Variants in ARHGAP22 observed in about 807,000 individuals in gnomAD.
The protein encoded by ARHGAP22 is rho GTPase-activating protein 22.
ARHGAP22 carries 48 observed loss-of-function variants against 59.1 expected under a neutral mutation model. That is an observed-to-expected ratio of 0.81 (90% CI 0.64 to 1.03). ARHGAP22 has a LOEUF of 1.03. ARHGAP22 is among the 50% of genes least tolerant of loss of function. The probability of loss-of-function intolerance (pLI) is 0.00; values close to 1 mark genes in which losing one functional copy is unlikely to be tolerated. For missense variants in ARHGAP22, 1,015 were observed against 958.7 expected, an observed-to-expected ratio of 1.06 and a Z score of -0.78; for synonymous variants, 445 against 416.4, an observed-to-expected ratio of 1.07 and a Z score of -0.84.
At chr10:48,615,098 G>A (rs1030933522) in intron 1 of ARHGAP22, among the ~76,000 whole-genome samples, 1 of 152,216 alleles carries the variant, frequency 6.6e-6, no homozygotes, top group African/African-American at 2.4e-5. Context: ...TTGAAAAGCT[G>A]TAACATACAA....
In ARHGAP22 at chr10:48,455,019, T is replaced by C. The variant is rs2046354363; in HGVS notation, c.775A>G (p.Thr259Ala). Residue 259 changes from threonine to alanine, a missense_variant, in exon 6 of 10, where the codon ACC becomes GCC. Transcript: ENST00000249601. ...EDFLSCAQLL[T>A]KDEGEGTLEL... ...CCACTGACCTCCCCCTCGTCCTTGG[T>C]GAGCAGCTGGGCGCAGCTGAGGAAG... The C allele has an allele frequency of 6.2e-7, 1 of 1,605,676 alleles. No individual in the cohort carries two copies. The highest frequency in any genetic ancestry group is 8.5e-7 in the Non-Finnish European group (1 of 1,174,428).
chr10:48,450,377 C>A lies in ARHGAP22; in HGVS notation c.1752G>T (p.Glu584Asp). The A allele has an allele frequency of 6.3e-7, 1 of 1,575,738 alleles. No homozygotes were observed. The highest frequency in any genetic ancestry group is 1.2e-5 in the South Asian group (1 of 86,482). ...CGTGTTCCCGGGTGGGGCTGTCCGGCTCGCTGGGCTCGCTGTTGCTGGCAC... is the reference window on the plus strand; with the variant it reads ...CGTGTTCCCGGGTGGGGCTGTCCGGATCGCTGGGCTCGCTGTTGCTGGCAC... ...GAGASNSEPS[E>D]PDSPTREHAR... Residue 584 changes from glutamate to aspartate, a missense_variant, in exon 9 of 10, where the codon GAG becomes GAT. Transcript: ENST00000249601.
At chr10:48,443,973 T>C (rs1311888040), downstream of ARHGAP22, 1 of 152,228 alleles carries the variant, frequency 6.6e-6, no homozygotes, top group Non-Finnish European at 1.5e-5. Flanking sequence ...ACATTCACAA[T>C]TTCCAGTATT....
rs1453506781 is a variant in ARHGAP22, at chr10:48,493,760, T to A, written c.323-13996A>T. ...CGCCAGTGGGAGGTCGGCGTGGTTG[T>A]TCTGCATCCGCATCTGTGCCTGCCA... On this transcript the variant is annotated intron_variant, in intron 3 of 9. Transcript: ENST00000249601. 3.3e-6 allele frequency: 3 copies of A among 907,078 alleles called. No homozygotes were observed. In the Admixed American group the frequency reaches 1.1e-4, roughly 32 times the overall value. The allele number at this position is 907,078 out of a possible 1,614,324, so 56.2% of individuals were successfully genotyped here.
At chr10:48,497,502 T>C (rs1398123794) in intron 3 of ARHGAP22, among the ~76,000 whole-genome samples, 1 of 152,030 alleles carries the variant, frequency 6.6e-6, no homozygotes, top group South Asian at 2.1e-4. Flanking sequence ...GGGAAGAGGA[T>C]GTTGAAGAGG....
chr10:48,490,694 C>T (rs2050303557), intron 3 of ARHGAP22, among the ~76,000 whole-genome samples: 1 of 152,216 alleles, frequency 6.6e-6, no homozygotes, highest in African/African-American at 2.4e-5. Flanking sequence ...CTCTCCCTCA[C>T]CTTTACACTG....
intron 2 of ARHGAP22, among the ~76,000 whole-genome samples, chr10:48,561,964 C>G (rs4838624): frequency 6.6e-6 from 1 of 152,042 alleles, no homozygotes; most frequent in Non-Finnish European, 1.5e-5. Context: ...CAGTGGCTCA[C>G]GCCTGTAATC....
chr10:48,607,054 C>T (rs551999321), upstream of ARHGAP22, among the ~76,000 whole-genome samples: 3 of 152,102 alleles, frequency 2.0e-5, no homozygotes, highest in Admixed American at 6.5e-5. Flanking sequence ...AATCTCATGT[C>T]GACACCAGGG....
chr10:48,467,297 T>A (rs537451357), intron 4 of ARHGAP22, among the ~76,000 whole-genome samples: 2 of 152,236 alleles, frequency 1.3e-5, no homozygotes, highest in South Asian at 4.1e-4. Flanking sequence ...GTATTCTTCT[T>A]GGGTTAGGTT....
chr10:48,546,304 T>C (rs2135191111), intron 3 of ARHGAP22, among the ~76,000 whole-genome samples: 1 of 152,366 alleles, frequency 6.6e-6, no homozygotes, highest in Admixed American at 6.5e-5. Flanking sequence ...CCTCAGTTGG[T>C]CTACCCTGAG....
chr10:48,605,844 A>G (rs996033233), upstream of ARHGAP22, among the ~76,000 whole-genome samples: 4 of 152,158 alleles, frequency 2.6e-5, no homozygotes, highest in Non-Finnish European at 4.4e-5. Context: ...AGGCACAGCA[A>G]GGTTGAATCA....
At chr10:48,609,315 C>T (rs2060792286), upstream of ARHGAP22, among the ~76,000 whole-genome samples, 1 of 152,208 alleles carries the variant, frequency 6.6e-6, no homozygotes, top group African/African-American at 2.4e-5. Context: ...TTAGGTGTGA[C>T]TGCATCCTGG....
At chr10:48,647,693 G>T (rs1219300891) in intron 1 of ARHGAP22, among the ~76,000 whole-genome samples, 2 of 152,170 alleles carry the variant, frequency 1.3e-5, no homozygotes, top group Non-Finnish European at 2.9e-5. Context: ...ATACGACCCA[G>T]CAAGAGAAAT....
In ARHGAP22 at chr10:48,559,937, A is replaced by T. The variant is rs186280170; in HGVS notation, c.235-4387T>A. Reference sequence around the variant, plus strand: ...TATATGTGATCTGTATTTCGATCTTATCAAATTTGAAGTAGATTCATGTAC... The same window carrying T: ...TATATGTGATCTGTATTTCGATCTTTTCAAATTTGAAGTAGATTCATGTAC... On this transcript the variant is annotated intron_variant, in intron 2 of 9. Transcript: ENST00000249601. 2.8e-3 allele frequency among the ~76,000 whole-genome samples: 432 copies of T among 152,328 alleles called. 5 individuals are homozygous for T. The highest frequency in any genetic ancestry group is 1.3e-3 in the Non-Finnish European group (86 of 68,018).
At chr10:48,489,363 G>A (rs1344220247) in intron 3 of ARHGAP22, among the ~76,000 whole-genome samples, 1 of 152,170 alleles carries the variant, frequency 6.6e-6, no homozygotes, top group Non-Finnish European at 1.5e-5. Context: ...GGAGGTGTTG[G>A]AATTCAAACA....
In ARHGAP22 at chr10:48,450,970, C is replaced by T. The variant is rs760758358; in HGVS notation, c.1159G>A (p.Gly387Ser). The T allele has an allele frequency of 8.3e-6, 13 of 1,565,200 alleles. No homozygotes were observed. Among genetic ancestry groups the T allele is most frequent in the Non-Finnish European group, 1.0e-5 (12 of 1,155,582 alleles). Reference sequence around the variant, plus strand: ...GAAGAGGTCCTGTGCGCGGGCAGGCCGGGGCCGCCGGGCTCTCCTTGGCTG... The same window carrying T: ...GAAGAGGTCCTGTGCGCGGGCAGGCTGGGGCCGCCGGGCTCTCCTTGGCTG... ...RDSQGEPGGPGLPAHRTSSLD... is the reference protein window; with the variant it reads ...RDSQGEPGGPSLPAHRTSSLD... The change falls in exon 9 of 10, where the codon GGC becomes AGC. Residue 387 changes from glycine (G) to serine (S), a missense_variant. Physicochemically the swap from Gly to Ser is moderately conservative, Grantham distance 56. Transcript: ENST00000249601.
chr10:48,524,396 C>G (rs1246907767), intron 3 of ARHGAP22, among the ~76,000 whole-genome samples: 1 of 151,868 alleles, frequency 6.6e-6, no homozygotes, highest in South Asian at 2.1e-4. Flanking sequence ...GCTCCCTGCC[C>G]TCGCCGGCGC....
exon 1 of ARHGAP22, chr10:48,652,251 A>G: frequency 2.6e-6 from 4 of 1,535,678 alleles, no homozygotes; most frequent in Middle Eastern, 3.3e-4. Flanking sequence ...TCTGGCTGCA[A>G]ACGTCCTCCT....
rs564223464 is a variant in ARHGAP22 at position 48,595,028 on chromosome 10, C to T, written c.34+9735G>A. Among the ~76,000 whole-genome samples, 5 of 152,246 alleles carry T rather than the reference C, an allele frequency of 3.3e-5. No individual in the cohort carries two copies. The East Asian group carries it at 9.6e-4, about 29-fold the overall frequency. On this transcript the variant is annotated intron_variant, in intron 1 of 9. Transcript: ENST00000249601. ...GGACCTTTTGAATAGACTGTGGCAGCCTTTGAATAGACTTGTGCCTTTGAG... is the reference window on the plus strand; with the variant it reads ...GGACCTTTTGAATAGACTGTGGCAGTCTTTGAATAGACTTGTGCCTTTGAG...
Sources: allele counts gnomAD v4.1 joint callset (sites outside exome capture counted in the v4.1 genomes callset), GRCh38; gene constraint gnomAD v4.1.1; transcripts MANE v1.5; gene names NCBI Gene and HGNC (gene_info 2026-07-23, HGNC 2026-07-21).